PDZRN3: variants seen among roughly 807,000 people sequenced by gnomAD.
PDZRN3 encodes the protein PDZ domain containing ring finger 3.
Under a neutral mutation model 85.7 loss-of-function variants are expected in PDZRN3, and 38 were observed. That is an observed-to-expected ratio of 0.44 (90% confidence interval 0.34 to 0.58). The LOEUF is 0.58. Among genes scored for constraint, PDZRN3 ranks in the 20% least tolerant of loss-of-function variants. The pLI is 0.01. For missense variants in PDZRN3, 1,629 were observed against 1,506.4 expected (o/e 1.08, Z -1.35); for synonymous variants, 759 against 638.0 (o/e 1.19, Z -2.86).
chr3:73,403,494 C>T (rs1189092967), intron 4 of PDZRN3, among the ~76,000 whole-genome samples: 2 of 152,134 alleles, frequency 1.3e-5, no homozygotes, highest in African/African-American at 2.4e-5. Context: ...AGGAAAAATA[C>T]AGCCCCACAA....
intron 3 of PDZRN3, among the ~76,000 whole-genome samples, chr3:73,571,370 CAGAT>C (rs1050723308): frequency 4.9e-4 from 74 of 152,316 alleles, no homozygotes; most frequent in African/African-American, 1.6e-3. Context: ...TCTTCAAAAA[CAGAT>C]AGCGTCAACC....
chr3:73,548,025 G>T (rs1476444498), intron 3 of PDZRN3, among the ~76,000 whole-genome samples: 1 of 152,194 alleles, frequency 6.6e-6, no homozygotes, highest in Non-Finnish European at 1.5e-5. Flanking sequence ...AGGGGTTTCA[G>T]AACGAAGAGG....
rs534074487 is a variant in PDZRN3 at position 73,591,963 on chromosome 3, A to G, written c.918+10391T>C. On this transcript the variant is annotated intron_variant, in intron 3 of 9. Coordinates refer to ENST00000263666, the MANE Select transcript of PDZRN3 (RefSeq NM_015009.3). ...TCCTGACCTATCTCATATTAGGCAG[A>G]ACTCAGTGCACACCCAACAAGTGAA... Among the ~76,000 whole-genome samples, 3 of 152,206 alleles carry G rather than the reference A, an allele frequency of 2.0e-5. No homozygotes were observed. In the South Asian group the frequency reaches 6.2e-4, roughly 32 times the overall value.
At chr3:73,431,999 C>A (rs1245835547) in intron 3 of PDZRN3, among the ~76,000 whole-genome samples, 1 of 152,256 alleles carries the variant, frequency 6.6e-6, no homozygotes, top group East Asian at 1.9e-4. Context: ...ACTGTGACTG[C>A]TGAATGATAT....
intron 3 of PDZRN3, among the ~76,000 whole-genome samples, chr3:73,448,571 A>G (rs556376742): frequency 1.3e-5 from 2 of 152,210 alleles, no homozygotes; most frequent in Non-Finnish European, 2.9e-5. Flanking sequence ...TTGAAGAGCT[A>G]AACACTAATC....
Position 73,384,069 on chromosome 3 carries a change from G to T in PDZRN3, c.2497C>A (p.Gln833Lys). 2 of 1,611,128 alleles carry T rather than the reference G, an allele frequency of 1.2e-6. No individual in the cohort carries two copies. The change falls in exon 10 of 10, where the codon CAG (glutamine) becomes AAG (lysine). Residue 833 changes from glutamine (Q) to lysine (K), a missense_variant. Transcript: ENST00000263666. ...CTCCGCTCTTTGCTTTCCAGGGGCTGGTTGGGGTCCAGCTCCTTCAGGGAC... is the reference window on the plus strand; with the variant it reads ...CTCCGCTCTTTGCTTTCCAGGGGCTTGTTGGGGTCCAGCTCCTTCAGGGAC... ...SPSLKELDPN[Q>K]PLESKERRAS...
intron 5 of PDZRN3, among the ~76,000 whole-genome samples, chr3:73,395,088 T>A (rs1701609050): frequency 6.6e-6 from 1 of 152,240 alleles, no homozygotes; most frequent in Non-Finnish European, 1.5e-5. Context: ...TTTGGCTCCA[T>A]CTGTAATGAG....
intron 3 of PDZRN3, chr3:73,474,579 G>A (rs189498551): frequency 4.1e-5 from 52 of 1,280,196 alleles, no homozygotes; most frequent in South Asian, 2.7e-4. Context: ...CTGCAGGTCC[G>A]CAGTTTCATT....
intron 3 of PDZRN3, chr3:73,569,619 G>A (rs1459419422): frequency 2.1e-6 from 2 of 969,576 alleles, no homozygotes; most frequent in Non-Finnish European, 2.5e-6. Context: ...CCTCAGCCCT[G>A]TGTCTGGGGT....
chr3:73,563,516 G>A (rs1046061460), intron 3 of PDZRN3, among the ~76,000 whole-genome samples: 5 of 151,950 alleles, frequency 3.3e-5, no homozygotes, highest in African/African-American at 9.7e-5. Flanking sequence ...CTGATAATTT[G>A]GAATCAGAAG....
intron 3 of PDZRN3, chr3:73,408,168 G>A (rs760671111): frequency 3.8e-5 from 27 of 703,278 alleles, no homozygotes; most frequent in South Asian, 3.4e-4. Flanking sequence ...GAGGTGGAGT[G>A]TGCAGGGACA....
intron 3 of PDZRN3, among the ~76,000 whole-genome samples, chr3:73,561,913 A>AT (rs769545083): frequency 0.042 from 5,756 of 136,590 alleles, 201 homozygotes; most frequent in African/African-American, 0.098. Flanking sequence ...AACCCAAGTC[A>AT]TTTTTTTTTT....
intron 3 of PDZRN3, among the ~76,000 whole-genome samples, chr3:73,411,226 G>A (rs950849888): frequency 6.6e-6 from 1 of 152,212 alleles, no homozygotes; most frequent in African/African-American, 2.4e-5. Context: ...ATAACCAAGT[G>A]GCTCTGGCCA....
intron 3 of PDZRN3, among the ~76,000 whole-genome samples, chr3:73,498,376 G>C (rs1309049922): frequency 6.6e-6 from 1 of 152,060 alleles, no homozygotes; most frequent in African/African-American, 2.4e-5. Context: ...ACTACCGCTG[G>C]CTCCAGTATC....
chr3:73,464,557 TCTTCC>T (rs1361461747), intron 3 of PDZRN3, among the ~76,000 whole-genome samples: 2 of 152,228 alleles, frequency 1.3e-5, no homozygotes, highest in African/African-American at 4.8e-5. Flanking sequence ...CTATTCTGTC[TCTTCC>T]CTTCCAGTTT....
chr3:73,570,405 GTAAAGGC>G (rs1702028899), intron 3 of PDZRN3, among the ~76,000 whole-genome samples: 1 of 152,214 alleles, frequency 6.6e-6, no homozygotes, highest in Non-Finnish European at 1.5e-5. Context: ...TGGCCAAAAA[GTAAAGGC>G]TGCGTATGAA....
intron 3 of PDZRN3, among the ~76,000 whole-genome samples, chr3:73,452,573 G>A (rs1702884979): frequency 6.6e-6 from 1 of 152,156 alleles, no homozygotes; most frequent in African/African-American, 2.4e-5. Flanking sequence ...AGTCCTGGCT[G>A]GGCCAGGCTT....
intron 3 of PDZRN3, among the ~76,000 whole-genome samples, chr3:73,600,451 A>G (rs1267612448): frequency 6.6e-6 from 1 of 151,964 alleles, no homozygotes; most frequent in Non-Finnish European, 1.5e-5. Context: ...CATGGGAATC[A>G]CTGTATCATG....
chr3:73,624,326 C>T lies in PDZRN3; in HGVS notation c.500G>A (p.Arg167Gln). The part of the protein sequence containing the change: ...AGGHCCARAL[R>Q]AHNGALQARL... ...GGCCTGGAGCGCGCCGTTGTGCGCC[C>T]GCAGCGCTCGCGCGCAGCAGTGGCC... The change falls in exon 1 of 10, where the codon CGG (arginine) becomes CAG (glutamine). Residue 167 changes from arginine to glutamine, a missense_variant. By Grantham distance (43) the Arg-to-Gln change is conservative. Transcript: ENST00000263666. The T allele has an allele frequency of 1.5e-6, 2 of 1,310,962 alleles. No homozygotes were observed. Among genetic ancestry groups the T allele is most frequent in the South Asian group, 2.3e-5 (1 of 44,334 alleles). The allele number at this position is 1,310,962 out of a possible 1,614,324, so 81.2% of individuals were successfully genotyped here.
Sources: gnomAD v4.1 joint callset for allele counts (sites outside exome capture counted in the v4.1 genomes callset) on GRCh38, gnomAD v4.1.1 for gene constraint, MANE v1.5 for transcripts, NCBI Gene and HGNC (gene_info 2026-07-23, HGNC 2026-07-21) for gene names.